Variants in DST observed in about 807,000 individuals in gnomAD.
DST encodes the protein dystonin.
A neutral mutation model predicts 875.2 loss-of-function variants in DST; 253 were observed. That is an observed-to-expected ratio of 0.29 (90% CI 0.26 to 0.32). The LOEUF (loss-of-function observed/expected upper bound fraction) is 0.32. Among genes scored for constraint, DST ranks in the 10% least tolerant of loss-of-function variants. The pLI is 1.00. For synonymous variants in DST, 3,124 were observed against 3,197.1 expected (o/e 0.98, Z 0.77); for missense variants, 8,287 against 9,111.6 (o/e 0.91, Z 3.68).
At chr6:56,810,206 AG>A (rs376712328) in intron 4 of DST, among the ~76,000 whole-genome samples, 6 of 152,248 alleles carry the variant, frequency 3.9e-5, no homozygotes, top group African/African-American at 1.4e-4. Flanking sequence ...GCTACTTGGA[AG>A]GCTGAGATGA....
At chr6:56,586,785 A>T (rs2098162097) in intron 49 of DST, among the ~76,000 whole-genome samples, 1 of 152,204 alleles carries the variant, frequency 6.6e-6, no homozygotes, top group Non-Finnish European at 1.5e-5. Flanking sequence ...ACCGCTGCTG[A>T]TACCCAGGCA....
At chr6:56,615,805 T>C (rs776467500) in intron 36 of DST, 1 of 1,614,184 alleles carries the variant, frequency 6.2e-7, no homozygotes, top group Admixed American at 1.7e-5. Context: ...ATTCCAAACA[T>C]CGGATTCCCA....
intron 58 of DST, among the ~76,000 whole-genome samples, chr6:56,558,403 C>A (rs2097466115): frequency 6.6e-6 from 1 of 152,114 alleles, no homozygotes. Flanking sequence ...CTGGAGGCAT[C>A]TTTAACAGAG....
chr6:56,773,092 G>C (rs1258207775), intron 4 of DST, among the ~76,000 whole-genome samples: 1 of 152,040 alleles, frequency 6.6e-6, no homozygotes, highest in Non-Finnish European at 1.5e-5. Flanking sequence ...ACTCAGCTGA[G>C]CCTTGAGATG....
intron 3 of DST, among the ~76,000 whole-genome samples, chr6:56,882,929 T>C (rs145149572): frequency 0.042 from 6,425 of 152,286 alleles, 427 homozygotes; most frequent in African/African-American, 0.14. Context: ...TGAGGTGGCA[T>C]GATCTCAGCT....
At chr6:56,510,549 G>A (rs1260867610) in intron 73 of DST, among the ~76,000 whole-genome samples, 1 of 152,026 alleles carries the variant, frequency 6.6e-6, no homozygotes, top group Non-Finnish European at 1.5e-5. Context: ...ATTTGTAAAG[G>A]TTCCATAGAC....
chr6:56,654,037 A>G (rs1439741406), intron 10 of DST, among the ~76,000 whole-genome samples: 1 of 152,236 alleles, frequency 6.6e-6, no homozygotes. Context: ...AAAGAGCATT[A>G]GACTATATTA....
In DST at chr6:56,504,024, A is replaced by G; in HGVS notation, c.19539T>C (p.Thr6513=). 1.9e-6 allele frequency: 3 copies of G among 1,609,032 alleles called. No individual in the cohort carries two copies. Among genetic ancestry groups the G allele is most frequent in the Non-Finnish European group, 2.5e-6 (3 of 1,177,886 alleles). The change falls in exon 78 of 104, where the codon ACT becomes ACC. Residue 6513 remains threonine, a synonymous_variant. Coordinates refer to ENST00000680361, the MANE Select transcript of DST (RefSeq NM_001374736.1). ...SMSPIGTDLE[T]VKQQIEELKQ... The stretch of plus-strand genomic sequence containing the variant: ...TTAGCTCTTCAATCTGCTGCTTGAC[A>G]GTTTCGAGATCTGTTCCAATTGGAG...
intron 9 of DST, among the ~76,000 whole-genome samples, chr6:56,683,029 T>C (rs1255250857): frequency 6.6e-6 from 1 of 152,202 alleles, no homozygotes; most frequent in African/African-American, 2.4e-5. Context: ...AAGGAAGATA[T>C]TAAGTTAGTA....
rs535841170 is a variant in DST, at chr6:56,890,443, T to TA, written c.417+9977dup. Among the ~76,000 whole-genome samples, 7 of 152,118 alleles carry TA rather than the reference T, an allele frequency of 4.6e-5. No individual in the cohort carries two copies. The South Asian group carries it at 1.0e-3, about 23-fold the overall frequency. On this transcript the variant is annotated intron_variant, in intron 3 of 103. Transcript: ENST00000680361. ...AATTATCTTTTCTGTTTCAAGATGG[T>TA]AAAAAAAATTCCTAAGCATCCTAGT...
chr6:56,864,477 A>T (rs575325916), intron 3 of DST, among the ~76,000 whole-genome samples: 3 of 142,830 alleles, frequency 2.1e-5, no homozygotes, highest in African/African-American at 9.1e-5. Context: ...ACCTGCCATA[A>T]TTCACATTTT....
chr6:56,807,076 G>A (rs1291316640), intron 4 of DST, among the ~76,000 whole-genome samples: 1 of 151,840 alleles, frequency 6.6e-6, no homozygotes, highest in Non-Finnish European at 1.5e-5. Context: ...TTTGAGACAG[G>A]GTCTCGCTCT....
intron 44 of DST, among the ~76,000 whole-genome samples, chr6:56,600,760 A>G (rs1216173394): frequency 6.6e-6 from 1 of 152,042 alleles, no homozygotes; most frequent in Non-Finnish European, 1.5e-5. Flanking sequence ...CACTCATATA[A>G]TTCATTAAAT....
chr6:56,546,635 T>G (rs1021303402), intron 61 of DST, among the ~76,000 whole-genome samples: 21 of 151,938 alleles, frequency 1.4e-4, no homozygotes, highest in Non-Finnish European at 5.9e-5. Flanking sequence ...CTCCAGACAC[T>G]TTTCACTTAA....
chr6:56,588,116 C>T (rs2098197445), intron 49 of DST, among the ~76,000 whole-genome samples: 1 of 152,152 alleles, frequency 6.6e-6, no homozygotes, highest in Admixed American at 6.5e-5. Context: ...TTCTTTATAG[C>T]AACACAAGAA....
chr6:56,633,989 A>G lies in DST; in HGVS notation c.3621+143T>C. On this transcript the variant is annotated intron_variant, in intron 27 of 103. Coordinates refer to ENST00000680361, the MANE Select transcript of DST (RefSeq NM_001374736.1). ...GTGCCTTATATGCTATGGGCATATA[A>G]CAAATATTCATTGAATAAATGAATA... 9.9e-6 allele frequency: 10 copies of G among 1,009,902 alleles called. 1 individual carries two copies. In the South Asian group the frequency reaches 1.2e-4, roughly 12 times the overall value. The allele number at this position is 1,009,902 out of a possible 1,614,324, so 62.6% of individuals were successfully genotyped here.
At chr6:56,690,659 C>T (rs1398891258) in intron 9 of DST, among the ~76,000 whole-genome samples, 1 of 152,182 alleles carries the variant, frequency 6.6e-6, no homozygotes, top group Non-Finnish European at 1.5e-5. Context: ...TGAAAAAGAA[C>T]AAACAAAAGG....
chr6:56,900,424 C>T lies in DST; in HGVS notation c.414G>A (p.Arg138=), dbSNP rs1793543420. ...TAAAAGACAGTTCTCTACTTACAGG[C>T]CTCCTGATTGAAGCACCTTGAACAG... ...YHSVQGASIR[R]PSSGNASYRC... is the part of the protein sequence containing the mutation. The change falls in exon 3 of 104, where the codon AGG becomes AGA. Residue 138 remains arginine, a synonymous_variant. Transcript: ENST00000680361. 1 of 1,367,306 alleles carries T rather than the reference C, an allele frequency of 7.3e-7. No individual in the cohort carries two copies. Among genetic ancestry groups the T allele is most frequent in the Non-Finnish European group, 9.8e-7 (1 of 1,021,682 alleles). The allele number at this position is 1,367,306 out of a possible 1,614,324, so 84.7% of individuals were successfully genotyped here. A position where few individuals can be genotyped will look rare whatever the true frequency, so the allele number is the denominator to read the frequency against.
intron 55 of DST, 108 bp from the exon 56 acceptor site, chr6:56,562,308 C>A: frequency 2.4e-6 from 1 of 417,176 alleles, no homozygotes; most frequent in Non-Finnish European, 4.0e-6. Flanking sequence ...ACATAAAACA[C>A]TGACTCAACT....
Sources: gnomAD v4.1 joint callset for allele counts (sites outside exome capture counted in the v4.1 genomes callset) on GRCh38, gnomAD v4.1.1 for gene constraint, MANE v1.5 for transcripts, NCBI Gene and HGNC (gene_info 2026-07-23, HGNC 2026-07-21) for gene names.